The following BMP1 variants were observed in gnomAD, a reference collection of about 807,000 sequenced individuals.
BMP1 encodes the protein mammalian tolloid protein.
In BMP1, 63 loss-of-function variants were observed where a neutral mutation model predicts 116.8. The observed-to-expected ratio is 0.54, with a 90% confidence interval of 0.44 to 0.67. BMP1 has a LOEUF of 0.67. Ranked by LOEUF, BMP1 falls within the 30% of genes least tolerant of loss-of-function variation. The pLI is 0.00. For missense variants in BMP1, 1,183 were observed against 1,358.9 expected (o/e 0.87, Z 2.04); for synonymous variants, 536 against 533.4 (o/e 1.00, Z -0.07).
intron 19 of BMP1, among the ~76,000 whole-genome samples, chr8:22,209,905 T>G (rs1829431300): frequency 6.6e-6 from 1 of 152,212 alleles, no homozygotes; most frequent in Non-Finnish European, 1.5e-5. Flanking sequence ...GGAAACCAAG[T>G]CCTTTCTGGG....
chr8:22,176,846 C>T lies in BMP1; in HGVS notation c.552-115C>T, dbSNP rs545803614. The T allele has an allele frequency of 1.3e-4, 130 of 1,000,244 alleles. No homozygotes were observed. The African/African-American group carries it at 1.9e-3, about 15-fold the overall frequency. 62.0% of individuals were successfully genotyped at this position (1,000,244 alleles called of 1,614,324 possible). The stretch of plus-strand genomic sequence containing the variant: ...CAGCCTGGGCACTCGGTGCTCAGGG[C>T]CCACCCCTCCCCTTCGCTCCCCTGC... On this transcript the variant is annotated intron_variant, in intron 4 of 19. Transcript: ENST00000306385.
At chr8:22,211,473 CG>C in intron 19 of BMP1, 120 bp from the exon 20 acceptor site, 4 of 1,374,198 alleles carry the variant, frequency 2.9e-6, no homozygotes, top group Non-Finnish European at 4.1e-6. Context: ...CTTCAAGGGG[CG>C]GGGAGAATCT....
chr8:22,192,314 C>G, intron 9 of BMP1, 163 bp downstream of exon 9: 1 of 594,610 alleles, frequency 1.7e-6, no homozygotes. Flanking sequence ...AGCTGCATTA[C>G]TCACTTGCTG....
At chr8:22,188,118 T>A (rs978015430) in intron 8 of BMP1, among the ~76,000 whole-genome samples, 1 of 151,752 alleles carries the variant, frequency 6.6e-6, no homozygotes, top group Non-Finnish European at 1.5e-5. Flanking sequence ...CTGTACCCCA[T>A]ATCTCATTGA....
chr8:22,165,483 C>T lies in BMP1; in HGVS notation c.78C>T (p.Ala26=), dbSNP rs757771155. ...GTCCCGGCCGGCCGCTGGACTTGGC[C>T]GACTACACCTATGACCTGGCGGAGG... ...LPRPGRPLDL[A]DYTYDLAEED... The change falls in exon 1 of 20, where the codon GCC becomes GCT. Residue 26 remains alanine (A), a synonymous_variant. Coordinates refer to ENST00000306385, the MANE Select transcript of BMP1 (RefSeq NM_006129.5). The T allele has an allele frequency of 6.3e-6, 10 of 1,590,424 alleles. No homozygotes were observed. Among genetic ancestry groups the T allele is most frequent in the South Asian group, 5.6e-5 (5 of 88,788 alleles).
At chr8:22,210,524 G>T (rs778093266) in intron 19 of BMP1, among the ~76,000 whole-genome samples, 4 of 149,144 alleles carry the variant, frequency 2.7e-5, no homozygotes, top group Non-Finnish European at 5.9e-5. Flanking sequence ...AAATACACTG[G>T]CCCTCCTGTC....
chr8:22,168,625 G>A (rs1828185904), intron 1 of BMP1, among the ~76,000 whole-genome samples: 1 of 152,274 alleles, frequency 6.6e-6, no homozygotes, highest in African/African-American at 2.4e-5. Flanking sequence ...CCAGGGGGAC[G>A]CCTGGCCAAG....
intron 8 of BMP1, among the ~76,000 whole-genome samples, chr8:22,188,310 T>A (rs763309176): frequency 6.6e-6 from 1 of 150,930 alleles, no homozygotes; most frequent in Non-Finnish European, 1.5e-5. Context: ...CTGGGACCAC[T>A]GGCATGCGCC....
chr8:22,207,391 T>C lies in BMP1; in HGVS notation c.2450T>C (p.Val817Ala), dbSNP rs80019749. ...VFDGRDAKAP[V>A]LGRFCGSKKP... ...GACGGGCGAGACGCCAAGGCCCCCG[T>C]CCTCGGCCGCTTCTGTGGGAGCAAG... Residue 817 changes from valine (V) to alanine (A), a missense_variant, in exon 18 of 20, where the codon GTC becomes GCC. Val to Ala is a moderately conservative substitution (Grantham distance 64). This residue lies in a region of BMP1 where 956 missense variants were observed against 1,135.2 expected (regional missense o/e 0.84). Coordinates refer to ENST00000306385, the MANE Select transcript of BMP1 (RefSeq NM_006129.5). The C allele has an allele frequency of 8.4e-3, 13,600 of 1,614,066 alleles. 615 individuals carry two copies. The East Asian group carries it at 0.13, about 15-fold the overall frequency.
intron 15 of BMP1, chr8:22,199,020 A>G (rs759503650): frequency 7.5e-7 from 1 of 1,325,498 alleles, no homozygotes; most frequent in Non-Finnish European, 1.0e-6. Context: ...CTGTTGCTCC[A>G]GTCTTGGAGG....
At position 22,176,159 on chromosome 8, in the gene BMP1, T is replaced by C. The variant is rs1341490593; in HGVS notation, c.279T>C (p.Ser93=). 1 of 1,614,160 alleles carries C rather than the reference T, an allele frequency of 6.2e-7. No individual in the cohort carries two copies. ...SIKAAVPGNT[S]TPSCQSTNGQ... ...CTCTCTCAGTTCCAGGAAACACTTC[T>C]ACCCCCAGCTGCCAGAGCACCAACG... The change falls in exon 3 of 20, where the codon TCT becomes TCC. Residue 93 remains serine, a synonymous_variant. Coordinates refer to ENST00000306385, the MANE Select transcript of BMP1 (RefSeq NM_006129.5).
rs1802840 is a variant in BMP1 at position 22,212,136 on chromosome 8, G to A, written c.*408G>A. ...CCACCCCTGCTCCAGCCTCGATTTG[G>A]TTTTATTTTGAGCCCCCATTCCACC... On this transcript the variant is annotated 3_prime_UTR_variant, in exon 20 of 20. Coordinates refer to ENST00000306385, the MANE Select transcript of BMP1 (RefSeq NM_006129.5). 58 of 182,598 alleles carry A rather than the reference G, an allele frequency of 3.2e-4. No homozygotes were observed. The highest frequency in any genetic ancestry group is 1.3e-3 in the African/African-American group (57 of 43,328). 11.3% of individuals were successfully genotyped at this position (182,598 alleles called of 1,614,324 possible). A position where few individuals can be genotyped will look rare whatever the true frequency, so the allele number is the denominator to read the frequency against.
chr8:22,200,341 A>T (rs1330121544), intron 15 of BMP1, among the ~76,000 whole-genome samples: 1 of 152,140 alleles, frequency 6.6e-6, no homozygotes, highest in African/African-American at 2.4e-5. Context: ...CTTTGTATCC[A>T]TGTCCAGGTG....
At chr8:22,190,988 G>C (rs1302925612) in intron 8 of BMP1, among the ~76,000 whole-genome samples, 2 of 152,172 alleles carry the variant, frequency 1.3e-5, no homozygotes, top group Non-Finnish European at 2.9e-5. Context: ...CCCACTCTGG[G>C]ACCTACCGAG....
chr8:22,183,027 TGA>T (rs1245962435), intron 8 of BMP1, among the ~76,000 whole-genome samples: 1 of 152,268 alleles, frequency 6.6e-6, no homozygotes, highest in Non-Finnish European at 1.5e-5. Context: ...AGATTTTTAT[TGA>T]GAGTTGAGTA....
Position 22,194,893 on chromosome 8 carries a change from C to T in BMP1, c.1613C>T (p.Ala538Val), listed in dbSNP as rs746910074. Residue 538 changes from alanine (A) to valine (V), a missense_variant, in exon 12 of 20, where the codon GCG (alanine) becomes GTG (valine). Coordinates refer to ENST00000306385, the MANE Select transcript of BMP1 (RefSeq NM_006129.5). This position sits in a 1 kb window ranked among gnomAD's most constrained non-coding sequence, Gnocchi z 4.5. Reference sequence around the variant, plus strand: ...GTCTCTGACGGGTCCATTAACAAAGCGGGCTTTGCCGTCAACTTTTTCAAA... The same window carrying T: ...GTCTCTGACGGGTCCATTAACAAAGTGGGCTTTGCCGTCAACTTTTTCAAA... Reference protein sequence around the residue: ...KFVSDGSINKAGFAVNFFKEV... With the variant: ...KFVSDGSINKVGFAVNFFKEV... 8 of 1,609,926 alleles carry T rather than the reference C, an allele frequency of 5.0e-6. No homozygotes were observed. In the Admixed American group the frequency reaches 5.1e-5, roughly 10 times the overall value.
At chr8:22,174,700 T>G (rs11779108) in intron 2 of BMP1, among the ~76,000 whole-genome samples, 12,262 of 149,742 alleles carry the variant, frequency 0.082, 648 homozygotes, top group East Asian at 0.13. Flanking sequence ...TGGCACCATT[T>G]CGGCTCACTG....
In BMP1 at chr8:22,172,958, C is replaced by T. The variant is rs79394116; in HGVS notation, c.149-644C>T. On this transcript the variant is annotated intron_variant, in intron 1 of 19. Transcript: ENST00000306385. ...CACCCCCTTAGTTAAATTGAAACAG[C>T]ATTTGCTGAGTGACCACCACATGCT... Among the ~76,000 whole-genome samples the T allele has an allele frequency of 9.3e-3, 1,415 of 152,210 alleles. 17 individuals carry two copies. The highest frequency in any genetic ancestry group is 0.029 in the African/African-American group (1,223 of 41,520).
intron 19 of BMP1, among the ~76,000 whole-genome samples, chr8:22,210,468 T>TCTGTCTCTCACACACA (rs10664439): frequency 1.5e-5 from 2 of 135,500 alleles, no homozygotes; most frequent in African/African-American, 5.9e-5. Context: ...TCTCTCTCTC[T>TCTGTCTCTCACACACA]CACACACATA....
Sources: allele counts gnomAD v4.1 joint callset (sites outside exome capture counted in the v4.1 genomes callset), GRCh38; gene constraint gnomAD v4.1.1; regional missense constraint gnomAD v4.1.1; non-coding constraint Gnocchi (gnomAD v3.1); transcripts MANE v1.5; gene names NCBI Gene and HGNC (gene_info 2026-07-23, HGNC 2026-07-21).